The following SUGP1 variants were observed in gnomAD, a reference collection of about 807,000 sequenced individuals.
The protein encoded by SUGP1 is SURP and G-patch domain containing 1.
A neutral mutation model predicts 76.5 loss-of-function variants in SUGP1; 34 were observed. That is an observed-to-expected ratio of 0.44 (90% confidence interval 0.34 to 0.59). SUGP1 has a LOEUF of 0.59. Among genes scored for constraint, SUGP1 ranks in the 20% least tolerant of loss-of-function variants. The pLI is 0.01. For synonymous variants in SUGP1, 326 were observed against 326.2 expected, an observed-to-expected ratio of 1.00 and a Z score of 0.01; for missense variants, 752 against 851.7, an observed-to-expected ratio of 0.88 and a Z score of 1.46.
At chr19:19,310,226 G>A in intron 2 of SUGP1, 26 bp from the exon 3 acceptor site, 18 of 1,577,428 alleles carry the variant, frequency 1.1e-5, no homozygotes, top group Admixed American at 1.7e-5. Flanking sequence ...AGGACAGAGA[G>A]GGTGAGCTGG....
Position 19,279,339 on chromosome 19 carries a change from T to G in SUGP1, c.1402A>C (p.Met468Leu), listed in dbSNP as rs1207468394. The change falls in exon 10 of 14, where the codon ATG becomes CTG. Residue 468 changes from methionine (M) to leucine (L), a missense_variant. Coordinates refer to ENST00000247001, the MANE Select transcript of SUGP1 (RefSeq NM_172231.4). ...IMQHKRAMQD[M>L]QLLWEKAVQQ... ...ACTGCCTTCTCCCACAGCAGCTGCATGTCCTGCATGGCCCGCTTGTGCTGC... is the reference window on the plus strand; with the variant it reads ...ACTGCCTTCTCCCACAGCAGCTGCAGGTCCTGCATGGCCCGCTTGTGCTGC... 1 of 1,610,782 alleles carries G rather than the reference T, an allele frequency of 6.2e-7. No individual in the cohort carries two copies. Among genetic ancestry groups the G allele is most frequent in the Admixed American group, 1.7e-5 (1 of 59,962 alleles).
chr19:19,306,202 G>A, intron 3 of SUGP1, 126 bp from the exon 4 acceptor site: 1 of 875,696 alleles, frequency 1.1e-6, no homozygotes, highest in East Asian at 2.8e-5. Context: ...CAGGGGCTCA[G>A]AGGAGGCCAC....
intron 9 of SUGP1, among the ~76,000 whole-genome samples, chr19:19,279,735 G>A (rs1013050935): frequency 3.3e-5 from 5 of 152,200 alleles, no homozygotes; most frequent in Admixed American, 6.5e-5. Flanking sequence ...CTCCTCAGGG[G>A]AGCCAACACC....
chr19:19,318,661 C>G (rs2061412653), intron 1 of SUGP1, among the ~76,000 whole-genome samples: 1 of 152,122 alleles, frequency 6.6e-6, no homozygotes, highest in Non-Finnish European at 1.5e-5. Context: ...AACTCCTGTC[C>G]TCAAGGGAGC....
intron 1 of SUGP1, 95 bp from the exon 2 acceptor site, chr19:19,316,688 A>T: frequency 2.3e-6 from 3 of 1,326,354 alleles, no homozygotes; most frequent in Non-Finnish European, 3.1e-6. Flanking sequence ...TGTTCAGATT[A>T]ATTTATATGT....
At chr19:19,277,103 G>A in intron 12 of SUGP1, 27 bp from the exon 13 acceptor site, 1 of 1,597,104 alleles carries the variant, frequency 6.3e-7, no homozygotes, top group Middle Eastern at 1.7e-4. Context: ...ATGTGAGCAG[G>A]GACCTGGGGC....
chr19:19,297,891 C>T (rs1344375889), intron 7 of SUGP1, among the ~76,000 whole-genome samples: 1 of 152,210 alleles, frequency 6.6e-6, no homozygotes, highest in Non-Finnish European at 1.5e-5. Context: ...TTCTCTGTCC[C>T]TACCCAGCCT....
chr19:19,315,332 A>T (rs1225455641), intron 2 of SUGP1, among the ~76,000 whole-genome samples: 1 of 146,588 alleles, frequency 6.8e-6, no homozygotes, highest in Non-Finnish European at 1.5e-5. Flanking sequence ...TGTCTCAAAG[A>T]AAAAAAAAAA....
chr19:19,286,673 A>G (rs1482768113), intron 8 of SUGP1, among the ~76,000 whole-genome samples: 1 of 152,100 alleles, frequency 6.6e-6, no homozygotes, highest in Non-Finnish European at 1.5e-5. Context: ...ACTTGAGACC[A>G]GGAGTTTGAG....
chr19:19,315,839 GT>G (rs574695158), intron 2 of SUGP1, among the ~76,000 whole-genome samples: 4 of 146,926 alleles, frequency 2.7e-5, no homozygotes, highest in Admixed American at 6.8e-5. Flanking sequence ...GTTTTTTTTT[GT>G]TTTTTTTTTG....
At chr19:19,305,698 C>T in intron 4 of SUGP1, 151 bp downstream of exon 4, 1 of 727,066 alleles carries the variant, frequency 1.4e-6, no homozygotes, top group Middle Eastern at 3.2e-4. Context: ...CTCCTCACCT[C>T]AGAGGGCCTG....
chr19:19,311,619 C>T (rs924475103), intron 2 of SUGP1, among the ~76,000 whole-genome samples: 2 of 150,056 alleles, frequency 1.3e-5, no homozygotes, highest in South Asian at 4.2e-4. Context: ...CCCAGCTACC[C>T]GGGAGGCTGA....
At chr19:19,278,029 A>T in intron 11 of SUGP1, 150 bp from the exon 12 acceptor site, 1 of 977,930 alleles carries the variant, frequency 1.0e-6, no homozygotes, top group Non-Finnish European at 1.5e-6. Context: ...GAACAAACAG[A>T]CCAAGCTCCT....
At chr19:19,303,697 A>T (rs773559115) in intron 5 of SUGP1, 27 bp downstream of exon 5, 1 of 1,613,734 alleles carries the variant, frequency 6.2e-7, no homozygotes, top group African/African-American at 1.3e-5. Context: ...TCAACAGCAC[A>T]GCCTTCCCTT....
intron 8 of SUGP1, among the ~76,000 whole-genome samples, chr19:19,295,326 C>T (rs769502765): frequency 2.6e-5 from 4 of 151,498 alleles, no homozygotes; most frequent in Admixed American, 2.0e-4. Context: ...GGAGGTGGGC[C>T]GGGAGCGGTG....
rs2061088035 is a variant in SUGP1 at position 19,280,294 on chromosome 19, G to A, written c.1244-3C>T. On this transcript the variant is annotated splice_region_variant and splice_polypyrimidine_tract_variant and intron_variant, in intron 8 of 13. Transcript: ENST00000247001. ...GCCGAGCCCCTTGAGGTCCTGAACT[G>A]GAAACCAAAGACACAGGGTAGTCAG... is the stretch of plus-strand genomic sequence containing the variant. 3.7e-6 allele frequency: 6 copies of A among 1,613,428 alleles called. No individual in the cohort carries two copies. In the East Asian group the frequency reaches 1.3e-4, roughly 36 times the overall value.
chr19:19,293,991 C>A (rs561329992), intron 8 of SUGP1, among the ~76,000 whole-genome samples: 27 of 152,054 alleles, frequency 1.8e-4, no homozygotes, highest in African/African-American at 6.0e-4. Context: ...TTGAGACCAG[C>A]CTGGGCAACA....
intron 8 of SUGP1, among the ~76,000 whole-genome samples, chr19:19,290,554 G>C (rs1182550184): frequency 6.6e-6 from 1 of 152,072 alleles, no homozygotes; most frequent in Non-Finnish European, 1.5e-5. Flanking sequence ...TGAGGCAGGA[G>C]AATCACTTGA....
Position 19,276,337 on chromosome 19 carries a change from C to A in SUGP1, c.*311G>T. On this transcript the variant is annotated 3_prime_UTR_variant, in exon 14 of 14. Transcript: ENST00000247001. ...AAGTGCTGGGATGACAGGGGTGAGA[C>A]ACTGCACCTGGCCTTCCAGCTTTAC... is the stretch of plus-strand genomic sequence containing the variant. 1 of 333,364 alleles carries A rather than the reference C, an allele frequency of 3.0e-6. No homozygotes were observed. Among genetic ancestry groups the A allele is most frequent in the Non-Finnish European group, 5.7e-6 (1 of 176,454 alleles). The allele number at this position is 333,364 out of a possible 1,614,324, so 20.7% of individuals were successfully genotyped here.
Sources: allele counts gnomAD v4.1 joint callset (sites outside exome capture counted in the v4.1 genomes callset), GRCh38; gene constraint gnomAD v4.1.1; transcripts MANE v1.5; gene names NCBI Gene and HGNC (gene_info 2026-07-23, HGNC 2026-07-21).